Variants in APP observed in about 807,000 individuals in gnomAD.
APP encodes the protein amyloid-beta precursor protein.
Under a neutral mutation model 101.4 loss-of-function variants are expected in APP, and 31 were observed. The observed-to-expected ratio is 0.31, with a 90% CI of 0.23 to 0.41. APP has a LOEUF of 0.41. Ranked by LOEUF, APP falls within the 10% of genes least tolerant of loss-of-function variation. APP has a pLI of 1.00. For synonymous variants in APP, 366 were observed against 364.4 expected, an observed-to-expected ratio of 1.00 and a Z score of -0.05; for missense variants, 839 against 1,003.7, an observed-to-expected ratio of 0.84 and a Z score of 2.22.
At chr21:25,906,841 C>T (rs1001240328) in intron 14 of APP, among the ~76,000 whole-genome samples, 4 of 151,762 alleles carry the variant, frequency 2.6e-5, no homozygotes, top group African/African-American at 9.7e-5. Flanking sequence ...CAAACGCGTA[C>T]CTTGAAGTGG....
chr21:26,053,141 A>G (rs966218615), intron 4 of APP, 95 bp downstream of exon 4: 2 of 926,606 alleles, frequency 2.2e-6, no homozygotes, highest in African/African-American at 3.2e-5. Flanking sequence ...TAACTTATCA[A>G]CATAGCTGTT....
intron 1 of APP, among the ~76,000 whole-genome samples, chr21:26,152,305 A>AAAAAAAAAAAAC (rs2063294409): frequency 6.9e-6 from 1 of 145,644 alleles, no homozygotes. Flanking sequence ...AAAAAAAAAA[A>AAAAAAAAAAAAC]AATGGGCCAA....
intron 3 of APP, among the ~76,000 whole-genome samples, chr21:26,086,588 C>T (rs1421745584): frequency 6.7e-6 from 1 of 149,728 alleles, no homozygotes; most frequent in African/African-American, 2.5e-5. Context: ...TTGTCTAAAA[C>T]ATATATTTGG....
chr21:26,027,149 T>G (rs1267099915), intron 5 of APP, among the ~76,000 whole-genome samples: 1 of 152,122 alleles, frequency 6.6e-6, no homozygotes. Flanking sequence ...TATCATGAGA[T>G]CCAACCTACT....
At chr21:25,970,548 T>C (rs1466126789) in intron 11 of APP, among the ~76,000 whole-genome samples, 7 of 152,174 alleles carry the variant, frequency 4.6e-5, no homozygotes, top group Non-Finnish European at 7.3e-5. Context: ...CAAGGAACTT[T>C]TGTTCTGCAG....
chr21:26,099,644 G>T (rs1400993934), intron 2 of APP, among the ~76,000 whole-genome samples: 1 of 152,126 alleles, frequency 6.6e-6, no homozygotes, highest in Non-Finnish European at 1.5e-5. Context: ...GGAATACAAA[G>T]AAATATCACA....
At chr21:26,083,958 A>G (rs1029863561) in intron 3 of APP, among the ~76,000 whole-genome samples, 8 of 152,186 alleles carry the variant, frequency 5.3e-5, no homozygotes, top group African/African-American at 1.4e-4. Flanking sequence ...TTAGTTGTTA[A>G]AAGTCCCAGA....
intron 17 of APP, 94 bp from the exon 18 acceptor site, chr21:25,881,865 CT>C: frequency 7.9e-7 from 1 of 1,265,950 alleles, no homozygotes; most frequent in Non-Finnish European, 1.1e-6. Flanking sequence ...GTACAGTACT[CT>C]TCTTTTGCCA....
At chr21:26,097,566 TG>T (rs10718480) in intron 2 of APP, among the ~76,000 whole-genome samples, 152,274 of 152,276 alleles carry the variant, frequency 1, 76,136 homozygotes, top group Middle Eastern at 1. Context: ...CAAGTAGATA[TG>T]GACAGCTTAT....
At chr21:26,073,156 T>C (rs1025250458) in intron 3 of APP, among the ~76,000 whole-genome samples, 10 of 152,044 alleles carry the variant, frequency 6.6e-5, no homozygotes, top group Non-Finnish European at 1.5e-4. Flanking sequence ...TGTGAGAAAA[T>C]GGACAACCCC....
chr21:26,054,892 C>T lies in APP; in HGVS notation c.356-1544G>A, dbSNP rs114502141. ...GCAACATAAAGAGGGATTAAAAGCC[C>T]TAAGAAGGGGAAGGAAGTAACTTTT... On this transcript the variant is annotated intron_variant, in intron 3 of 17. Transcript: ENST00000346798. Among the ~76,000 whole-genome samples, 509 of 152,010 alleles carry T rather than the reference C, an allele frequency of 3.3e-3. 4 individuals are homozygous for T. Among genetic ancestry groups the T allele is most frequent in the African/African-American group, 0.011 (476 of 41,460 alleles).
intron 2 of APP, among the ~76,000 whole-genome samples, chr21:26,107,343 A>T (rs955079872): frequency 2.3e-4 from 35 of 152,200 alleles, no homozygotes; most frequent in African/African-American, 8.0e-4. Flanking sequence ...AATCTCTCCA[A>T]GTCAAAATGA....
intron 5 of APP, among the ~76,000 whole-genome samples, chr21:26,037,359 G>C (rs897550750): frequency 1.3e-5 from 2 of 152,140 alleles, no homozygotes; most frequent in Non-Finnish European, 2.9e-5. Flanking sequence ...CAAACAGCTA[G>C]AAGCAGGATA....
chr21:25,983,841 T>C (rs181049528), intron 8 of APP, among the ~76,000 whole-genome samples: 15 of 152,262 alleles, frequency 9.9e-5, no homozygotes, highest in South Asian at 4.2e-4. Flanking sequence ...CCTTCTTACA[T>C]TGGCAGCAAC....
At chr21:26,129,484 T>A (rs1043476083) in intron 1 of APP, among the ~76,000 whole-genome samples, 12 of 151,410 alleles carry the variant, frequency 7.9e-5, no homozygotes, top group East Asian at 1.9e-4. Flanking sequence ...AAAAAAAAAA[T>A]TTCAGGTCTT....
At chr21:25,895,974 C>T (rs2038017327) in intron 16 of APP, among the ~76,000 whole-genome samples, 1 of 152,206 alleles carries the variant, frequency 6.6e-6, no homozygotes, top group Non-Finnish European at 1.5e-5. Flanking sequence ...CCATTAGTCA[C>T]TGTCGCATTA....
intron 2 of APP, among the ~76,000 whole-genome samples, chr21:26,110,382 G>A (rs1310384344): frequency 6.6e-5 from 10 of 151,994 alleles, no homozygotes; most frequent in Admixed American, 6.6e-4. Flanking sequence ...GGAGGTGGAG[G>A]TTGCAGTAAG....
chr21:26,097,826 A>C (rs2061979008), intron 2 of APP, among the ~76,000 whole-genome samples: 1 of 152,158 alleles, frequency 6.6e-6, no homozygotes. Flanking sequence ...CAGGCCTGTA[A>C]TCCCAGCACT....
At position 26,004,464 on chromosome 21, in the gene APP, T is replaced by C. The variant is rs79542840; in HGVS notation, c.866-4282A>G. Reference sequence around the variant, plus strand: ...CCCGCCACACACCGGCTAATTTTTTTCGATTTTTTAGTAGACACGGGGTTT... The same window carrying C: ...CCCGCCACACACCGGCTAATTTTTTCCGATTTTTTAGTAGACACGGGGTTT... On this transcript the variant is annotated intron_variant, in intron 6 of 17. Transcript: ENST00000346798. 0.011 allele frequency among the ~76,000 whole-genome samples: 3 copies of C among 262 alleles called. No homozygotes were observed. In the South Asian group the frequency reaches 0.21, roughly 19 times the overall value. The allele number at this position is 262 out of a possible 152,430, so 0.2% of individuals were successfully genotyped here.
Sources: gnomAD v4.1 joint callset for allele counts (sites outside exome capture counted in the v4.1 genomes callset) on GRCh38, gnomAD v4.1.1 for gene constraint, MANE v1.5 for transcripts, NCBI Gene and HGNC (gene_info 2026-07-23, HGNC 2026-07-21) for gene names.